The following GPATCH8 variants were observed in gnomAD, a reference collection of about 807,000 sequenced individuals.
GPATCH8 encodes G-patch domain containing 8, also known as G patch domain-containing protein 8.
In GPATCH8, 18 loss-of-function variants were observed where a neutral mutation model predicts 118.3. That is an observed-to-expected ratio of 0.15 (90% CI 0.11 to 0.23). The LOEUF is 0.23. Ranked by LOEUF, GPATCH8 falls within the 10% of genes least tolerant of loss-of-function variation. The pLI is 1.00. For synonymous variants in GPATCH8, 659 were observed against 684.7 expected, an observed-to-expected ratio of 0.96 and a Z score of 0.59; for missense variants, 1,631 against 1,873.8, an observed-to-expected ratio of 0.87 and a Z score of 2.39.
At chr17:44,424,292 C>T (rs2050015911) in intron 6 of GPATCH8, 57 bp downstream of exon 6, 3 of 1,246,726 alleles carry the variant, frequency 2.4e-6, no homozygotes, top group Middle Eastern at 1.9e-4. Flanking sequence ...TCATAAAATC[C>T]AATTGTTGTA....
chr17:44,428,313 T>G (rs1023215534), intron 5 of GPATCH8, among the ~76,000 whole-genome samples: 23 of 151,674 alleles, frequency 1.5e-4, no homozygotes, highest in African/African-American at 5.6e-4. Context: ...ACCAACGTGA[T>G]GAAACCCTGT....
intron 1 of GPATCH8, among the ~76,000 whole-genome samples, chr17:44,494,449 G>A (rs1005562475): frequency 2.0e-5 from 3 of 152,010 alleles, no homozygotes; most frequent in Non-Finnish European, 4.4e-5. Context: ...AAAATTAGCC[G>A]GGCATGTTGG....
At chr17:44,464,254 C>T (rs530226013) in intron 3 of GPATCH8, among the ~76,000 whole-genome samples, 3 of 152,178 alleles carry the variant, frequency 2.0e-5, no homozygotes, top group South Asian at 2.1e-4. Flanking sequence ...TTGAAAGTTT[C>T]GATGACACAG....
chr17:44,489,159 G>A (rs1232347723), intron 1 of GPATCH8, among the ~76,000 whole-genome samples: 1 of 152,064 alleles, frequency 6.6e-6, no homozygotes, highest in African/African-American at 2.4e-5. Context: ...AAATCAAACT[G>A]CTAGAAAATG....
chr17:44,491,889 T>C (rs1216253981), intron 1 of GPATCH8, among the ~76,000 whole-genome samples: 4 of 152,140 alleles, frequency 2.6e-5, no homozygotes, highest in Non-Finnish European at 5.9e-5. Context: ...TAAATGTATG[T>C]ATGTGCCTTT....
chr17:44,437,562 T>C (rs2050553054), intron 3 of GPATCH8, among the ~76,000 whole-genome samples: 1 of 152,092 alleles, frequency 6.6e-6, no homozygotes, highest in South Asian at 2.1e-4. Flanking sequence ...GTTGTTGTTG[T>C]TATACACACA....
intron 1 of GPATCH8, among the ~76,000 whole-genome samples, 174 bp downstream of exon 1, chr17:44,503,152 G>A (rs1255447235): frequency 6.6e-6 from 1 of 152,216 alleles, no homozygotes; most frequent in Non-Finnish European, 1.5e-5. Flanking sequence ...GGTGCGAGGA[G>A]ATGCGGCCTC....
chr17:44,487,341 T>C (rs1376745712), intron 1 of GPATCH8, among the ~76,000 whole-genome samples: 1 of 152,230 alleles, frequency 6.6e-6, no homozygotes, highest in African/African-American at 2.4e-5. Flanking sequence ...TGATAGCTCA[T>C]TTCTTTTTAG....
chr17:44,413,664 C>A lies in GPATCH8; in HGVS notation c.493-7613G>T, dbSNP rs2049536727. 2.0e-5 allele frequency among the ~76,000 whole-genome samples: 3 copies of A among 151,886 alleles called. No homozygotes were observed. The South Asian group carries it at 6.2e-4, about 31-fold the overall frequency. On this transcript the variant is annotated intron_variant, in intron 6 of 7. Coordinates refer to ENST00000591680, the MANE Select transcript of GPATCH8 (RefSeq NM_001002909.4). Reference sequence around the variant, plus strand: ...CTAATTTTTTTGAGATGGAGTTTTGCTCTTTTGCCCGGAATGCAGTGGCAT... The same window carrying A: ...CTAATTTTTTTGAGATGGAGTTTTGATCTTTTGCCCGGAATGCAGTGGCAT...
chr17:44,453,904 CCT>C lies in GPATCH8; in HGVS notation c.193+10566_193+10567del, dbSNP rs1211831699. On this transcript the variant is annotated intron_variant, in intron 3 of 7. Transcript: ENST00000591680. ...AATCAAAACAACTGCTGGGTTGCCC[CCT>C]CTTTCATATACTGAAGTTTAACCTC... 4.7e-5 allele frequency among the ~76,000 whole-genome samples: 7 copies of C among 150,424 alleles called. No individual in the cohort carries two copies. The Admixed American group carries it at 4.7e-4, about 10-fold the overall frequency.
chr17:44,418,416 C>T (rs2049767680), intron 6 of GPATCH8, among the ~76,000 whole-genome samples: 1 of 150,822 alleles, frequency 6.6e-6, no homozygotes, highest in Non-Finnish European at 1.5e-5. Flanking sequence ...CTGTAACTTA[C>T]ACTAAGCCAA....
chr17:44,408,326 C>T (rs2049308387), intron 6 of GPATCH8, among the ~76,000 whole-genome samples: 2 of 152,132 alleles, frequency 1.3e-5, no homozygotes, highest in Admixed American at 6.5e-5. Context: ...GCTGGGACTA[C>T]AGGTGCCTGT....
At chr17:44,409,873 C>T (rs2049369221) in intron 6 of GPATCH8, among the ~76,000 whole-genome samples, 1 of 152,222 alleles carries the variant, frequency 6.6e-6, no homozygotes, top group African/African-American at 2.4e-5. Flanking sequence ...CTACGGAGGG[C>T]ATCTGGTAAA....
At chr17:44,490,645 T>C (rs62078767) in intron 1 of GPATCH8, among the ~76,000 whole-genome samples, 75,237 of 150,310 alleles carry the variant, frequency 0.5, 20,391 homozygotes, top group Middle Eastern at 0.62. Flanking sequence ...GGAAGCAATC[T>C]AGCTTTTCTA....
chr17:44,412,889 C>T (rs781412792), intron 6 of GPATCH8, among the ~76,000 whole-genome samples: 1 of 152,130 alleles, frequency 6.6e-6, no homozygotes, highest in Non-Finnish European at 1.5e-5. Flanking sequence ...GTCTCCTCTC[C>T]CCTTCCTAAC....
rs1227860840 is a variant in GPATCH8, at chr17:44,400,529, G to A, written c.1548C>T (p.Thr516=). 1.9e-6 allele frequency: 3 copies of A among 1,613,962 alleles called. No homozygotes were observed. Among genetic ancestry groups the A allele is most frequent in the South Asian group, 2.2e-5 (2 of 91,080 alleles). ...QMCESNSSKE[T]SLATPAGKES... Reference sequence around the variant, plus strand: ...CTTTCCCTGCTGGGGTGGCCAGAGAGGTTTCTTTAGAAGAGTTGGACTCAC... The same window carrying A: ...CTTTCCCTGCTGGGGTGGCCAGAGAAGTTTCTTTAGAAGAGTTGGACTCAC... The change falls in exon 8 of 8, where the codon ACC becomes ACT. Residue 516 remains threonine, a synonymous_variant. Transcript: ENST00000591680.
intron 1 of GPATCH8, among the ~76,000 whole-genome samples, chr17:44,475,207 C>T (rs1434904503): frequency 1.3e-5 from 2 of 149,730 alleles, no homozygotes; most frequent in Admixed American, 6.7e-5. Flanking sequence ...AATGAAACTC[C>T]ATCTCCACTA....
At chr17:44,436,158 C>T (rs2050507882) in intron 4 of GPATCH8, among the ~76,000 whole-genome samples, 2 of 149,932 alleles carry the variant, frequency 1.3e-5, no homozygotes, top group African/African-American at 4.9e-5. Flanking sequence ...ATCACAGCAA[C>T]ATTTTAAGAG....
At chr17:44,403,559 A>G (rs1241236189) in intron 7 of GPATCH8, among the ~76,000 whole-genome samples, 1 of 152,182 alleles carries the variant, frequency 6.6e-6, no homozygotes, top group Non-Finnish European at 1.5e-5. Context: ...AGCGTACACT[A>G]TACCCTTAAA....
Sources: allele counts gnomAD v4.1 joint callset (sites outside exome capture counted in the v4.1 genomes callset), GRCh38; gene constraint gnomAD v4.1.1; transcripts MANE v1.5; gene names NCBI Gene and HGNC (gene_info 2026-07-23, HGNC 2026-07-21).